The following PCDH15 variants were observed in gnomAD, a reference collection of about 807,000 sequenced individuals.
The protein encoded by PCDH15 is protocadherin related 15.
PCDH15 carries 129 observed loss-of-function variants against 178.5 expected under a neutral mutation model. The ratio of observed to expected loss-of-function variants is 0.72; its 90% CI spans 0.63 to 0.84. The LOEUF is 0.84. PCDH15 is among the 40% of genes least tolerant of loss of function. The probability of loss-of-function intolerance (pLI) is 0.00; values close to 1 mark genes in which losing one functional copy is unlikely to be tolerated. For missense variants in PCDH15, 2,230 were observed against 2,099.9 expected (o/e 1.06, Z -1.21); for synonymous variants, 800 against 732.0 (o/e 1.09, Z -1.50).
intron 1 of PCDH15, among the ~76,000 whole-genome samples, chr10:55,272,543 G>A (rs1001355160): frequency 7.3e-5 from 11 of 151,484 alleles, no homozygotes; most frequent in African/African-American, 2.4e-4. Flanking sequence ...CACCACACCC[G>A]GCTAATTTTT....
At chr10:54,616,613 C>A (rs1361477013) in intron 2 of PCDH15, among the ~76,000 whole-genome samples, 2 of 151,972 alleles carry the variant, frequency 1.3e-5, no homozygotes, top group African/African-American at 4.8e-5. Flanking sequence ...AAAATTAACT[C>A]TAGTTAACTT....
At chr10:55,019,337 T>TTTTGTTTG (rs368409880) in intron 2 of PCDH15, among the ~76,000 whole-genome samples, 3 of 152,118 alleles carry the variant, frequency 2.0e-5, no homozygotes, top group Admixed American at 6.6e-5. Context: ...ACTCATGTGT[T>TTTTGTTTG]TTTGTTTGTT....
chr10:54,907,684 C>T (rs1954748752), intron 2 of PCDH15, among the ~76,000 whole-genome samples: 1 of 152,074 alleles, frequency 6.6e-6, no homozygotes, highest in South Asian at 2.1e-4. Flanking sequence ...CAAATTGTCC[C>T]TTAAATAGTT....
chr10:54,511,319 C>T (rs2081631231), intron 3 of PCDH15, among the ~76,000 whole-genome samples: 1 of 152,012 alleles, frequency 6.6e-6, no homozygotes, highest in Non-Finnish European at 1.5e-5. Context: ...CAATTATTGT[C>T]CCCATGGACT....
At chr10:53,832,564 A>G (rs2077074804) in intron 29 of PCDH15, among the ~76,000 whole-genome samples, 1 of 151,938 alleles carries the variant, frequency 6.6e-6, no homozygotes, top group Non-Finnish European at 1.5e-5. Flanking sequence ...ATCTTGGTAT[A>G]TTTAAGTCTA....
chr10:53,823,190 T>C lies in PCDH15; in HGVS notation c.4368-2960A>G, dbSNP rs1315869707. 6.2e-7 allele frequency: 1 copy of C among 1,614,086 alleles called. No individual in the cohort carries two copies. The highest frequency in any genetic ancestry group is 2.2e-5 in the East Asian group (1 of 44,876). On this transcript the variant is annotated intron_variant, in intron 32 of 37. Coordinates refer to ENST00000644397, the MANE Select transcript of PCDH15 (RefSeq NM_001384140.1). Reference sequence around the variant, plus strand: ...CATCCTCATCAGATAGAAATGTGAATTTTCTTGCAGACTTCAGTTTGTTGC... The same window carrying C: ...CATCCTCATCAGATAGAAATGTGAACTTTCTTGCAGACTTCAGTTTGTTGC...
intron 2 of PCDH15, among the ~76,000 whole-genome samples, chr10:55,094,395 G>A (rs559282961): frequency 2.6e-5 from 4 of 151,870 alleles, no homozygotes; most frequent in African/African-American, 9.7e-5. Context: ...CTGTTGTGGG[G>A]TAGGGGGATG....
At chr10:54,541,083 C>T (rs1044581351) in intron 2 of PCDH15, among the ~76,000 whole-genome samples, 5 of 152,230 alleles carry the variant, frequency 3.3e-5, no homozygotes, top group Non-Finnish European at 5.9e-5. Flanking sequence ...GAACCATTCC[C>T]CTTAAGCACT....
At chr10:55,078,879 GT>G (rs1841973288) in intron 2 of PCDH15, among the ~76,000 whole-genome samples, 1 of 151,804 alleles carries the variant, frequency 6.6e-6, no homozygotes, top group Non-Finnish European at 1.5e-5. Flanking sequence ...ATGACATTTG[GT>G]TTTCCATTTC....
At position 54,099,513 on chromosome 10, in the gene PCDH15, A is replaced by AAAAAAATAT. The variant is rs1347306483; in HGVS notation, c.1918-9451_1918-9450insATATTTTTT. On this transcript the variant is annotated intron_variant, in intron 15 of 37. Coordinates refer to ENST00000644397, the MANE Select transcript of PCDH15 (RefSeq NM_001384140.1). Reference sequence around the variant, plus strand: ...GACTCCATCTCAAAAAAAAAAAAAAAATATATATATATATATATAAAACAA... The same window carrying AAAAAAATAT: ...GACTCCATCTCAAAAAAAAAAAAAAAAAAAAATATATATATATATATATATATAAAACAA... Among the ~76,000 whole-genome samples, 254 of 117,790 alleles carry AAAAAAATAT rather than the reference A, an allele frequency of 2.2e-3. 5 individuals are homozygous for AAAAAAATAT. The highest frequency in any genetic ancestry group is 6.7e-3 in the African/African-American group (174 of 26,050). The allele number at this position is 117,790 out of a possible 152,430, so 77.3% of individuals were successfully genotyped here.
chr10:55,341,736 A>AT lies in PCDH15; in HGVS notation c.-155-175086dup, dbSNP rs1161592967. 6.7e-5 allele frequency among the ~76,000 whole-genome samples: 8 copies of AT among 119,900 alleles called. No individual in the cohort carries two copies. The East Asian group carries it at 2.0e-3, about 31-fold the overall frequency. The allele number at this position is 119,900 out of a possible 152,430, so 78.7% of individuals were successfully genotyped here. On this transcript the variant is annotated intron_variant, in intron 2 of 5. Transcript: ENST00000613346. ...AGGCATGCGCCACCACGCCCAGCTAATTTTTTTTGTATATACATACATATG... is the reference window on the plus strand; with the variant it reads ...AGGCATGCGCCACCACGCCCAGCTAATTTTTTTTTGTATATACATACATATG...
At chr10:54,811,749 G>A (rs1010410097) in intron 3 of PCDH15, among the ~76,000 whole-genome samples, 2 of 152,146 alleles carry the variant, frequency 1.3e-5, no homozygotes, top group African/African-American at 2.4e-5. Context: ...GATTACAGGC[G>A]TGAGCCACCG....
intron 2 of PCDH15, among the ~76,000 whole-genome samples, chr10:54,960,337 G>A (rs1360094847): frequency 2.0e-5 from 3 of 152,132 alleles, no homozygotes; most frequent in Non-Finnish European, 4.4e-5. Flanking sequence ...GAAAATATAT[G>A]AGAAGTTCTA....
intron 2 of PCDH15, among the ~76,000 whole-genome samples, chr10:55,485,108 A>G (rs1330520707): frequency 6.6e-6 from 1 of 151,718 alleles, no homozygotes; most frequent in Non-Finnish European, 1.5e-5. Flanking sequence ...AATTTAAAGA[A>G]TGGGAGAAAA....
At chr10:54,411,909 C>CT (rs1236527277) in intron 3 of PCDH15, among the ~76,000 whole-genome samples, 122 of 152,236 alleles carry the variant, frequency 8.0e-4, no homozygotes, top group African/African-American at 2.8e-3. Context: ...CTCTTTTACT[C>CT]CTTCTTACTT....
At chr10:54,911,204 C>A (rs1333718671) in intron 2 of PCDH15, among the ~76,000 whole-genome samples, 2 of 152,140 alleles carry the variant, frequency 1.3e-5, no homozygotes, top group African/African-American at 4.8e-5. Flanking sequence ...GATACAGTTT[C>A]ACCGGTTAAG....
In PCDH15 at chr10:54,243,247, C is replaced by T. The variant is rs181206580; in HGVS notation, c.877-6316G>A. On this transcript the variant is annotated intron_variant, in intron 8 of 37. Coordinates refer to ENST00000644397, the MANE Select transcript of PCDH15 (RefSeq NM_001384140.1). ...CTACATTTAAGGAAAGTCAGTGTCA[C>T]GCCTGTAATCCCAGCACTTTGGGAG... Among the ~76,000 whole-genome samples, 5 of 152,296 alleles carry T rather than the reference C, an allele frequency of 3.3e-5. No homozygotes were observed. In the East Asian group the frequency reaches 5.8e-4, roughly 18 times the overall value.
At chr10:55,228,510 T>C (rs1310853385) in intron 1 of PCDH15, among the ~76,000 whole-genome samples, 1 of 152,074 alleles carries the variant, frequency 6.6e-6, no homozygotes. Flanking sequence ...AAAGCCTTTC[T>C]CTTTACCATA....
intron 21 of PCDH15, among the ~76,000 whole-genome samples, chr10:53,992,145 G>A (rs11003971): frequency 0.32 from 48,306 of 151,876 alleles, 9,772 homozygotes; most frequent in Middle Eastern, 0.53. Context: ...TGGACGGGAG[G>A]AAGGAACAAC....
Sources: gnomAD v4.1 joint callset for allele counts (sites outside exome capture counted in the v4.1 genomes callset) on GRCh38, gnomAD v4.1.1 for gene constraint, MANE v1.5 for transcripts, NCBI Gene and HGNC (gene_info 2026-07-23, HGNC 2026-07-21) for gene names.